The following HMCN1 variants were observed in gnomAD, a reference collection of about 807,000 sequenced individuals.
HMCN1 encodes hemicentin-1.
A neutral mutation model predicts 625.9 loss-of-function variants in HMCN1; 321 were observed. That is an observed-to-expected ratio of 0.51 (90% CI 0.47 to 0.56). The LOEUF (loss-of-function observed/expected upper bound fraction) is 0.56, where lower values mean the gene tolerates loss of function less well. Among genes scored for constraint, HMCN1 ranks in the 20% least tolerant of loss-of-function variants. The pLI is 0.00. For missense variants in HMCN1, 6,588 were observed against 6,887.3 expected, an observed-to-expected ratio of 0.96 and a Z score of 1.54; for synonymous variants, 2,425 against 2,417.6, an observed-to-expected ratio of 1.00 and a Z score of -0.09.
intron 106 of HMCN1, 32 bp from the exon 107 acceptor site, chr1:186,189,480 C>T: frequency 6.2e-7 from 1 of 1,610,682 alleles, no homozygotes; most frequent in Non-Finnish European, 8.5e-7. Flanking sequence ...TTCCAGATAA[C>T]TATGTGTATT....
chr1:186,088,045 C>T, intron 61 of HMCN1, 32 bp downstream of exon 61: 1 of 1,611,394 alleles, frequency 6.2e-7, no homozygotes, highest in African/African-American at 1.3e-5. Flanking sequence ...AACTCTTTTT[C>T]CCCTAGATAT....
In HMCN1 at chr1:186,076,607, G is replaced by A. The variant is rs2102362166; in HGVS notation, c.8470G>A (p.Val2824Ile). 6.2e-7 allele frequency: 1 copy of A among 1,613,398 alleles called. No homozygotes were observed. The highest frequency in any genetic ancestry group is 8.5e-7 in the Non-Finnish European group (1 of 1,179,712). ...CCACCCTCTGACCTCAAGTGATAAA[G>A]TATTGATTTTGCCAGGTAAAGATTG... ...DGHPLTSSDK[V>I]LILPGGRVLQ... The change falls in exon 54 of 107, where the codon GTA becomes ATA. Residue 2824 changes from valine to isoleucine, a missense_variant. Physicochemically the swap from Val to Ile is conservative, Grantham distance 29. Around this residue, in one of 3 missense-constraint regions of HMCN1, gnomAD observed 4,628 missense variants for 4,853.1 expected, o/e 0.95. Coordinates refer to ENST00000271588, the MANE Select transcript of HMCN1 (RefSeq NM_031935.3).
At chr1:186,022,951 G>T in intron 35 of HMCN1, 79 bp from the exon 36 acceptor site, 1 of 1,374,478 alleles carries the variant, frequency 7.3e-7, no homozygotes, top group Non-Finnish European at 1.0e-6. Flanking sequence ...AAATTTAAAT[G>T]AATTTTTCTG....
rs1661312665 is a variant in HMCN1, at chr1:186,119,812, A to G, written c.12024A>G (p.Pro4008=). Residue 4008 remains proline (P), a synonymous_variant, in exon 79 of 107, where the codon CCA becomes CCG. Coordinates refer to ENST00000271588, the MANE Select transcript of HMCN1 (RefSeq NM_031935.3). ...TTCTGAACAATCCTATTTTATTACC[A>G]TGTGAAGCAACAGGGACACCCAGTC... is the stretch of plus-strand genomic sequence containing the variant. ...HVILNNPILL[P]CEATGTPSPF... is the part of the protein sequence containing the mutation. 6.2e-7 allele frequency: 1 copy of G among 1,614,116 alleles called. No homozygotes were observed. Among genetic ancestry groups the G allele is most frequent in the Non-Finnish European group, 8.5e-7 (1 of 1,179,968 alleles).
rs893581514 is a variant in HMCN1, at chr1:186,034,598, A to C, written c.5750-3336A>C. On this transcript the variant is annotated intron_variant, in intron 36 of 106. Transcript: ENST00000271588. ...GGTACTTTCAGGTCGCTCGAAACCT[A>C]TTGTTCTTCCTTCTGTGTCTGCTAG... Among the ~76,000 whole-genome samples, 3 of 152,092 alleles carry C rather than the reference A, an allele frequency of 2.0e-5. No homozygotes were observed. In the South Asian group the frequency reaches 6.2e-4, roughly 32 times the overall value.
intron 1 of HMCN1, among the ~76,000 whole-genome samples, chr1:185,827,155 G>C (rs1660571433): frequency 7.7e-6 from 1 of 129,414 alleles, no homozygotes; most frequent in Admixed American, 8.9e-5. Flanking sequence ...CTGGGCGACA[G>C]AGCAAGACTC....
chr1:185,971,573 T>C (rs1650836666), intron 15 of HMCN1, among the ~76,000 whole-genome samples: 1 of 152,254 alleles, frequency 6.6e-6, no homozygotes, highest in South Asian at 2.1e-4. Context: ...ATGATATTCA[T>C]GCCAGACTGT....
At chr1:186,062,313 A>G (rs1364786547) in intron 47 of HMCN1, among the ~76,000 whole-genome samples, 1 of 152,188 alleles carries the variant, frequency 6.6e-6, no homozygotes, top group South Asian at 2.1e-4. Flanking sequence ...ACATTACAAT[A>G]AAATTCATTA....
chr1:185,886,294 A>C (rs756085911), intron 4 of HMCN1, among the ~76,000 whole-genome samples: 1 of 152,114 alleles, frequency 6.6e-6, no homozygotes, highest in Non-Finnish European at 1.5e-5. Flanking sequence ...AATTGTGTAC[A>C]TGCTGAATGA....
chr1:186,061,392 G>A (rs1558186152), intron 46 of HMCN1, among the ~76,000 whole-genome samples: 2 of 152,052 alleles, frequency 1.3e-5, no homozygotes, highest in Non-Finnish European at 2.9e-5. Context: ...AGAACAGCAT[G>A]TGGGAAACCA....
At chr1:185,925,256 A>G (rs1667222351) in intron 9 of HMCN1, 65 bp downstream of exon 9, 1 of 1,461,348 alleles carries the variant, frequency 6.8e-7, no homozygotes, top group African/African-American at 1.4e-5. Flanking sequence ...ATAGACTATT[A>G]TTGCAGTGTA....
At chr1:185,756,481 A>G (rs895489194) in intron 1 of HMCN1, among the ~76,000 whole-genome samples, 2 of 149,704 alleles carry the variant, frequency 1.3e-5, no homozygotes, top group East Asian at 1.9e-4. Context: ...CTCAGGGTAA[A>G]AAAAAAAAAA....
intron 55 of HMCN1, among the ~76,000 whole-genome samples, chr1:186,080,077 T>A (rs775536788): frequency 6.6e-5 from 10 of 152,230 alleles, no homozygotes; most frequent in Non-Finnish European, 1.3e-4. Context: ...TCTCATTTAA[T>A]CTAAAACTCA....
intron 30 of HMCN1, among the ~76,000 whole-genome samples, chr1:186,010,542 C>T (rs1653934387): frequency 6.6e-6 from 1 of 152,046 alleles, no homozygotes; most frequent in South Asian, 2.1e-4. Flanking sequence ...TTTGTTTGAA[C>T]CTGTGTTCTT....
intron 52 of HMCN1, among the ~76,000 whole-genome samples, chr1:186,074,198 G>C (rs1658650925): frequency 6.7e-6 from 1 of 149,156 alleles, no homozygotes; most frequent in Admixed American, 6.8e-5. Flanking sequence ...ATATATGTAA[G>C]TTAATATCCT....
chr1:185,965,539 T>C (rs1650343784), intron 13 of HMCN1, among the ~76,000 whole-genome samples: 1 of 152,102 alleles, frequency 6.6e-6, no homozygotes, highest in South Asian at 2.1e-4. Context: ...TTCGATTAGT[T>C]TCCTAAATTT....
At chr1:186,117,230 A>AG (rs1661176866) in intron 76 of HMCN1, 115 bp downstream of exon 76, 2 of 1,412,226 alleles carry the variant, frequency 1.4e-6, no homozygotes, top group Non-Finnish European at 2.0e-6. Context: ...TTTTAAGTTC[A>AG]GGGGTACACA....
intron 68 of HMCN1, 80 bp from the exon 69 acceptor site, chr1:186,103,392 G>T: frequency 8.8e-7 from 1 of 1,137,634 alleles, no homozygotes; most frequent in East Asian, 2.4e-5. Flanking sequence ...GTGAATTTGT[G>T]TTGGATTTTC....
chr1:186,087,218 T>C lies in HMCN1; in HGVS notation c.9048T>C (p.Gly3016=), dbSNP rs2102400726. The C allele has an allele frequency of 2.5e-6, 4 of 1,598,550 alleles. No individual in the cohort carries two copies. The highest frequency in any genetic ancestry group is 3.4e-6 in the Non-Finnish European group (4 of 1,166,160). The change falls in exon 59 of 107, where the codon GGT becomes GGC. Residue 3016 remains glycine (G), a splice_region_variant and synonymous_variant. Coordinates refer to ENST00000271588, the MANE Select transcript of HMCN1 (RefSeq NM_031935.3). ...KLNTNTLIVP[G]GRTLQIIRAK... ...AATTTGCATTCTATTTACCTACAGG[T>C]GGTCGAACTCTACAGATTATTCGGG... is the stretch of plus-strand genomic sequence containing the variant.
Sources: gnomAD v4.1 joint callset for allele counts (sites outside exome capture counted in the v4.1 genomes callset) on GRCh38, gnomAD v4.1.1 for gene constraint, gnomAD v4.1.1 regional missense constraint, MANE v1.5 for transcripts, NCBI Gene and HGNC (gene_info 2026-07-23, HGNC 2026-07-21) for gene names.